Variants in GPC5 observed in about 807,000 individuals in gnomAD.
GPC5 encodes glypican 5, also known as glypican-5.
Under a neutral mutation model 53.9 loss-of-function variants are expected in GPC5, and 47 were observed. The ratio of observed to expected loss-of-function variants is 0.87; its 90% CI spans 0.69 to 1.11. The LOEUF (loss-of-function observed/expected upper bound fraction) is 1.11, where lower values mean the gene tolerates loss of function less well. GPC5 is among the 50% of genes most tolerant of loss of function. The pLI, the probability that GPC5 is intolerant of heterozygous loss-of-function variation, is 0.00. For missense variants in GPC5, 748 were observed against 713.1 expected (o/e 1.05, Z -0.56); for synonymous variants, 286 against 263.3 (o/e 1.09, Z -0.84).
intron 7 of GPC5, among the ~76,000 whole-genome samples, chr13:92,227,719 TA>T (rs57131057): frequency 0.35 from 52,452 of 151,812 alleles, 9,403 homozygotes; most frequent in African/African-American, 0.44. Context: ...CCCAACACAG[TA>T]AAAAAAATTC....
At chr13:91,897,538 A>G (rs2138980207) in intron 5 of GPC5, among the ~76,000 whole-genome samples, 1 of 152,144 alleles carries the variant, frequency 6.6e-6, no homozygotes, top group East Asian at 1.9e-4. Context: ...GACTTGTTGG[A>G]TAGGCTCCCA....
At chr13:92,708,948 T>C (rs913227173) in intron 7 of GPC5, among the ~76,000 whole-genome samples, 1 of 128,666 alleles carries the variant, frequency 7.8e-6, no homozygotes, top group Non-Finnish European at 1.6e-5. Context: ...AGTGGCCTGA[T>C]GTTGGCTCAC....
At chr13:91,553,295 G>A (rs938631784) in intron 2 of GPC5, among the ~76,000 whole-genome samples, 1 of 98,012 alleles carries the variant, frequency 1.0e-5, no homozygotes, top group African/African-American at 4.7e-5. Context: ...TCTCAGAAGA[G>A]AATGGAGACC....
intron 7 of GPC5, among the ~76,000 whole-genome samples, chr13:92,844,485 T>C (rs1157831885): frequency 6.6e-6 from 1 of 152,020 alleles, no homozygotes. Flanking sequence ...AAAAATAAAA[T>C]AGATTTCCTT....
chr13:91,433,486 C>T (rs9560790), intron 1 of GPC5, among the ~76,000 whole-genome samples: 100,074 of 151,564 alleles, frequency 0.66, 33,574 homozygotes, highest in African/African-American at 0.76. Flanking sequence ...TTGCTGAGAA[C>T]GATGGTTTCC....
chr13:92,490,712 T>C (rs1228682445), intron 7 of GPC5, among the ~76,000 whole-genome samples: 2 of 152,122 alleles, frequency 1.3e-5, no homozygotes, highest in Non-Finnish European at 2.9e-5. Flanking sequence ...ATTCTAATAT[T>C]ATCTTATATT....
At chr13:92,663,708 C>A (rs1401314143) in intron 7 of GPC5, among the ~76,000 whole-genome samples, 3 of 133,472 alleles carry the variant, frequency 2.2e-5, no homozygotes, top group East Asian at 4.2e-4. Flanking sequence ...TATTATATAT[C>A]TACTATATAT....
chr13:92,666,179 A>G (rs189329786), intron 7 of GPC5, among the ~76,000 whole-genome samples: 3 of 152,330 alleles, frequency 2.0e-5, no homozygotes, highest in African/African-American at 7.2e-5. Context: ...TTTTAGCATA[A>G]CAGGGATGGA....
At chr13:92,561,837 G>A (rs9584040) in intron 7 of GPC5, among the ~76,000 whole-genome samples, 15,893 of 152,074 alleles carry the variant, frequency 0.1, 1,175 homozygotes, top group African/African-American at 0.2. Context: ...CTGCTGCTGA[G>A]CGTGAGCCTC....
At chr13:92,836,135 T>C (rs1878212388) in intron 7 of GPC5, among the ~76,000 whole-genome samples, 2 of 152,212 alleles carry the variant, frequency 1.3e-5, no homozygotes, top group African/African-American at 2.4e-5. Context: ...ACTTTAAGTA[T>C]AATTTGCCAT....
At chr13:92,624,396 T>C (rs1884980981) in intron 7 of GPC5, among the ~76,000 whole-genome samples, 1 of 152,100 alleles carries the variant, frequency 6.6e-6, no homozygotes, top group Admixed American at 6.5e-5. Flanking sequence ...TAGTGAAAAA[T>C]GTCCTTGAAT....
intron 7 of GPC5, among the ~76,000 whole-genome samples, chr13:92,563,567 A>G (rs1019858250): frequency 2.0e-5 from 3 of 152,066 alleles, no homozygotes; most frequent in African/African-American, 7.2e-5. Flanking sequence ...CCAGTGCTCA[A>G]TAACATATAT....
At chr13:92,425,914 A>G (rs1876811184) in intron 7 of GPC5, among the ~76,000 whole-genome samples, 1 of 152,052 alleles carries the variant, frequency 6.6e-6, no homozygotes, top group Non-Finnish European at 1.5e-5. Flanking sequence ...TTTCATCTAA[A>G]AATATTTCTA....
intron 7 of GPC5, among the ~76,000 whole-genome samples, chr13:92,654,930 GA>G (rs1344164683): frequency 6.6e-6 from 1 of 152,132 alleles, no homozygotes; most frequent in East Asian, 1.9e-4. Context: ...TAAGAAGAGG[GA>G]AATTTGGAGA....
chr13:91,716,087 T>A (rs1278639405), intron 3 of GPC5, among the ~76,000 whole-genome samples: 1 of 145,140 alleles, frequency 6.9e-6, no homozygotes, highest in Non-Finnish European at 1.6e-5. Context: ...CCCATCTTGA[T>A]TTTTTTTTTT....
intron 7 of GPC5, chr13:92,180,739 A>G: frequency 5.9e-6 from 1 of 168,230 alleles, no homozygotes; most frequent in Non-Finnish European, 1.3e-5. Context: ...CATAGCTACA[A>G]GTACAGCTGA....
intron 7 of GPC5, among the ~76,000 whole-genome samples, chr13:92,281,452 A>C (rs2139169216): frequency 6.6e-6 from 1 of 152,168 alleles, no homozygotes; most frequent in South Asian, 2.1e-4. Context: ...CTGCCTCCTC[A>C]AGTGGGTCCC....
chr13:92,719,774 A>T (rs1888452307), intron 7 of GPC5: 1 of 152,172 alleles, frequency 6.6e-6, no homozygotes, highest in Admixed American at 6.6e-5. Context: ...CTTCAGAAAA[A>T]TTAAAGCCTT....
At chr13:92,492,424 A>G (rs905120006) in intron 7 of GPC5, among the ~76,000 whole-genome samples, 16 of 152,078 alleles carry the variant, frequency 1.1e-4, no homozygotes, top group African/African-American at 3.6e-4. Context: ...GCACACTAAC[A>G]TGGCACATGT....
Sources: gnomAD v4.1 joint callset for allele counts (sites outside exome capture counted in the v4.1 genomes callset) on GRCh38, gnomAD v4.1.1 for gene constraint, MANE v1.5 for transcripts, NCBI Gene and HGNC (gene_info 2026-07-23, HGNC 2026-07-21) for gene names.